The following MYLK2 variants were observed in gnomAD, a reference collection of about 807,000 sequenced individuals.
MYLK2 encodes myosin light chain kinase 2.
A neutral mutation model predicts 58.2 loss-of-function variants in MYLK2; 27 were observed. That is an observed-to-expected ratio of 0.46 (90% CI 0.34 to 0.64). The LOEUF (loss-of-function observed/expected upper bound fraction) is 0.64. MYLK2 is among the 30% of genes least tolerant of loss of function. The pLI, the probability that MYLK2 is intolerant of heterozygous loss-of-function variation, is 0.01. For synonymous variants in MYLK2, 310 were observed against 296.7 expected, an observed-to-expected ratio of 1.04 and a Z score of -0.46; for missense variants, 676 against 764.3, an observed-to-expected ratio of 0.88 and a Z score of 1.36.
At chr20:31,820,979 T>C (rs1333053987) in intron 3 of MYLK2, among the ~76,000 whole-genome samples, 1 of 152,210 alleles carries the variant, frequency 6.6e-6, no homozygotes, top group Non-Finnish European at 1.5e-5. Context: ...AAAAGATGAC[T>C]AATAACCAGA....
At chr20:31,820,636 A>C in intron 3 of MYLK2, 90 bp downstream of exon 3, 1 of 1,479,008 alleles carries the variant, frequency 6.8e-7, no homozygotes, top group South Asian at 1.2e-5. Flanking sequence ...CATGGTTATC[A>C]TCACATTCAG....
intron 4 of MYLK2, 110 bp from the exon 5 acceptor site, chr20:31,823,367 G>A: frequency 1.1e-6 from 1 of 947,424 alleles, no homozygotes; most frequent in Non-Finnish European, 1.6e-6. Flanking sequence ...GGTATCACTT[G>A]GTGAACTTAA....
intron 4 of MYLK2, among the ~76,000 whole-genome samples, 188 bp downstream of exon 4, chr20:31,821,925 T>G (rs555997731): frequency 1.1e-3 from 173 of 152,268 alleles, no homozygotes; most frequent in African/African-American, 4.0e-3. Context: ...ATTCATTTGT[T>G]TATTTGTTTT....
rs576740633 is a variant in MYLK2, at chr20:31,833,856, C to T, written c.*59C>T. 18 of 1,524,116 alleles carry T rather than the reference C, an allele frequency of 1.2e-5. No homozygotes were observed. The highest frequency in any genetic ancestry group is 1.6e-5 in the Non-Finnish European group (18 of 1,108,246). 94.4% of individuals were successfully genotyped at this position (1,524,116 alleles called of 1,614,324 possible). On this transcript the variant is annotated 3_prime_UTR_variant, in exon 13 of 13. Transcript: ENST00000375985. ...CACAGTGGCCGGGGCTGAAGCCACA[C>T]AGCCCAGAAGGCCAGAAAAGGCAGC...
intron 11 of MYLK2, 30 bp from the exon 12 acceptor site, chr20:31,831,974 C>T (rs766571679): frequency 1.2e-6 from 2 of 1,612,014 alleles, no homozygotes; most frequent in Non-Finnish European, 1.7e-6. Context: ...GAGCATGCAG[C>T]CCACCGTCAC....
rs769913699 is a variant in MYLK2, at chr20:31,824,240, C to A, written c.879-19C>A. The A allele has an allele frequency of 2.9e-5, 47 of 1,611,110 alleles. No individual in the cohort carries two copies. The highest frequency in any genetic ancestry group is 4.0e-5 in the Non-Finnish European group (47 of 1,178,574). On this transcript the variant is annotated intron_variant, in intron 5 of 12. Transcript: ENST00000375985. ...GTGGGCTCTGGGGTCCCCTCACTTA[C>A]AGCCTCTTCTCTTTCCAGTGGCAAG...
At position 31,834,018 on chromosome 20, in the gene MYLK2, C is replaced by T. The variant is rs2123143840; in HGVS notation, c.*221C>T. ...TGGCCTGGATCCATCCTGCTAGCAC[C>T]TCCCCAGACAGGGCTCCAGCCTGTC... On this transcript the variant is annotated 3_prime_UTR_variant, in exon 13 of 13. Transcript: ENST00000375985. The T allele has an allele frequency of 1.7e-6, 1 of 575,922 alleles. No individual in the cohort carries two copies. Among genetic ancestry groups the T allele is most frequent in the South Asian group, 2.0e-5 (1 of 49,852 alleles). The allele number at this position is 575,922 out of a possible 1,614,324, so 35.7% of individuals were successfully genotyped here.
Position 31,826,493 on chromosome 20 carries a change from T to G in MYLK2, c.973-112T>G, listed in dbSNP as rs1048991939. On this transcript the variant is annotated intron_variant, in intron 6 of 12. Coordinates refer to ENST00000375985, the MANE Select transcript of MYLK2 (RefSeq NM_033118.4). ...GAGAGAGGAGAGGCAAGGAGGAGGC[T>G]GAGCAGTGATCTGGGCAAGGCTAGC... 47 of 1,442,964 alleles carry G rather than the reference T, an allele frequency of 3.3e-5. 1 individual carries two copies. In the South Asian group the frequency reaches 5.3e-4, roughly 16 times the overall value. 89.4% of individuals were successfully genotyped at this position (1,442,964 alleles called of 1,614,324 possible). A position where few individuals can be genotyped will look rare whatever the true frequency, so the allele number is the denominator to read the frequency against.
chr20:31,826,757 C>T, intron 7 of MYLK2, 40 bp from the exon 8 acceptor site: 1 of 1,613,796 alleles, frequency 6.2e-7, no homozygotes, highest in Non-Finnish European at 8.5e-7. Context: ...GGGGGTACCA[C>T]CAGGCACGGA....
At chr20:31,825,607 GGT>G (rs2062274887) in intron 6 of MYLK2, among the ~76,000 whole-genome samples, 1 of 152,180 alleles carries the variant, frequency 6.6e-6, no homozygotes, top group Non-Finnish European at 1.5e-5. Flanking sequence ...AGCCAGGTAA[GGT>G]AGAGGGGGTA....
chr20:31,830,637 G>A (rs1475304839), intron 8 of MYLK2, among the ~76,000 whole-genome samples, 182 bp from the exon 9 acceptor site: 2 of 152,216 alleles, frequency 1.3e-5, no homozygotes, highest in African/African-American at 2.4e-5. Context: ...TAAGCCCCTC[G>A]TGGGGGACTT....
chr20:31,822,428 T>C (rs2062255691), intron 4 of MYLK2, among the ~76,000 whole-genome samples: 1 of 152,016 alleles, frequency 6.6e-6, no homozygotes, highest in Admixed American at 6.6e-5. Flanking sequence ...TGCCTGTGTG[T>C]GGGAGCAGTG....
rs727504624 is a variant in MYLK2 at position 31,832,085 on chromosome 20, C to A, written c.1659C>A (p.Arg553=). ...LAEKAKRCNR[R]LKSQILLKKY... ...AGAAAGCCAAACGCTGTAACCGACG[C>A]CTTAAGTCCCAGATCTTGCTTAAGA... The change falls in exon 12 of 13, where the codon CGC becomes CGA. Residue 553 remains arginine, a synonymous_variant. Transcript: ENST00000375985. The A allele has an allele frequency of 1.9e-6, 3 of 1,609,120 alleles. No homozygotes were observed. The highest frequency in any genetic ancestry group is 3.4e-5 in the Admixed American group (2 of 59,158).
chr20:31,825,851 G>T, intron 6 of MYLK2, among the ~76,000 whole-genome samples: 1 of 152,322 alleles, frequency 6.6e-6, no homozygotes, highest in Non-Finnish European at 1.5e-5. Flanking sequence ...TATTATAGCC[G>T]ATATATCAGC....
At chr20:31,833,127 C>G (rs2062315014) in intron 12 of MYLK2, among the ~76,000 whole-genome samples, 1 of 152,124 alleles carries the variant, frequency 6.6e-6, no homozygotes, top group Non-Finnish European at 1.5e-5. Context: ...GCCTTGGCCT[C>G]TCGAAGTGTT....
Position 31,820,539 on chromosome 20 carries a change from A to G in MYLK2, c.466A>G (p.Ile156Val). The part of the protein sequence containing the change: ...FLHSPSCPAI[I>V]SSSEKLLAKK... ...GCATAGCCCCAGCTGTCCTGCCATC[A>G]TCTCCAGGTGAATATCCCCTCCTGG... Residue 156 changes from isoleucine (I) to valine (V), a missense_variant, in exon 3 of 13, where the codon ATC becomes GTC. Transcript: ENST00000375985. 6.2e-7 allele frequency: 1 copy of G among 1,600,672 alleles called. No individual in the cohort carries two copies. Among genetic ancestry groups the G allele is most frequent in the Non-Finnish European group, 8.5e-7 (1 of 1,179,928 alleles).
In MYLK2 at chr20:31,820,299, C is replaced by T. The variant is rs199791180; in HGVS notation, c.226C>T (p.Pro76Ser). 61 of 1,613,418 alleles carry T rather than the reference C, an allele frequency of 3.8e-5. No individual in the cohort carries two copies. Among genetic ancestry groups the T allele is most frequent in the Non-Finnish European group, 5.2e-5 (61 of 1,179,946 alleles). ...LAQPSTSSQG[P>S]KGEGDRGGGP... ...CCAACCCTCAACTAGCAGCCAAGGC[C>T]CCAAAGGAGAGGGTGACAGGGGCGG... The change falls in exon 3 of 13, where the codon CCC becomes TCC. Residue 76 changes from proline to serine, a missense_variant. Pro to Ser is a moderately conservative substitution (Grantham distance 74, BLOSUM62 -1). Transcript: ENST00000375985.
chr20:31,827,882 C>CTTTTTTTTTT (rs10646259), intron 8 of MYLK2, among the ~76,000 whole-genome samples: 1 of 94,842 alleles, frequency 1.1e-5, no homozygotes, highest in Non-Finnish European at 2.0e-5. Flanking sequence ...AGCAGATCTG[C>CTTTTTTTTTT]TTTTTTTTTT....
Position 31,823,593 on chromosome 20 carries a change from G to A in MYLK2, c.878+11G>A, listed in dbSNP as rs776452312. 6.2e-7 allele frequency: 1 copy of A among 1,612,858 alleles called. No homozygotes were observed. Reference sequence around the variant, plus strand: ...GGAGGCGCTCGGAGGGTGAGATCTGGGACCCCAGCTGGGCACTCATGGACA... The same window carrying A: ...GGAGGCGCTCGGAGGGTGAGATCTGAGACCCCAGCTGGGCACTCATGGACA... On this transcript the variant is annotated intron_variant, in intron 5 of 12. Coordinates refer to ENST00000375985, the MANE Select transcript of MYLK2 (RefSeq NM_033118.4).
Sources: allele counts gnomAD v4.1 joint callset (sites outside exome capture counted in the v4.1 genomes callset), GRCh38; gene constraint gnomAD v4.1.1; transcripts MANE v1.5; gene names NCBI Gene and HGNC (gene_info 2026-07-23, HGNC 2026-07-21).